Variants in MYBPHL observed in about 807,000 individuals in gnomAD.
The protein encoded by MYBPHL is myosin-binding protein H-like.
A neutral mutation model predicts 39.5 loss-of-function variants in MYBPHL; 32 were observed. The ratio of observed to expected loss-of-function variants is 0.81; its 90% CI spans 0.61 to 1.09. The LOEUF (loss-of-function observed/expected upper bound fraction) is 1.09. Ranked by LOEUF, MYBPHL falls within the 50% of genes least tolerant of loss-of-function variation. MYBPHL has a pLI of 0.00. For synonymous variants in MYBPHL, 196 were observed against 183.7 expected (o/e 1.07, Z -0.54); for missense variants, 456 against 460.2 (o/e 0.99, Z 0.08).
chr1:109,296,681 C>T (rs112833470), intron 5 of MYBPHL, 102 bp downstream of exon 5: 971 of 1,387,784 alleles, frequency 7.0e-4, no homozygotes, highest in Non-Finnish European at 8.5e-4. Context: ...TCAGGTGATC[C>T]GCCTGCCTTG....
In MYBPHL at chr1:109,295,097, C is replaced by T; in HGVS notation, c.1054+14G>A. 2 of 1,611,990 alleles carry T rather than the reference C, an allele frequency of 1.2e-6. No homozygotes were observed. Among genetic ancestry groups the T allele is most frequent in the Non-Finnish European group, 1.7e-6 (2 of 1,179,580 alleles). ...ACTGGCACCCTAAGGCACTAGTTCTCCTCTTGCCCTTACCTTTCACATCCA... is the reference window on the plus strand; with the variant it reads ...ACTGGCACCCTAAGGCACTAGTTCTTCTCTTGCCCTTACCTTTCACATCCA... On this transcript the variant is annotated intron_variant, in intron 7 of 8. Transcript: ENST00000357155.
chr1:109,302,450 G>T (rs184955942), intron 1 of MYBPHL, among the ~76,000 whole-genome samples: 1 of 152,168 alleles, frequency 6.6e-6, no homozygotes. Flanking sequence ...AAAGGACATA[G>T]GAACAGGCAA....
intron 1 of MYBPHL, among the ~76,000 whole-genome samples, chr1:109,305,968 T>C (rs1658450852): frequency 6.6e-6 from 1 of 152,224 alleles, no homozygotes; most frequent in Non-Finnish European, 1.5e-5. Context: ...AAATGGAAAC[T>C]GAGCAGTCCA....
chr1:109,306,317 C>T (rs1658467296), intron 1 of MYBPHL, among the ~76,000 whole-genome samples: 1 of 152,230 alleles, frequency 6.6e-6, no homozygotes, highest in Admixed American at 6.5e-5. Flanking sequence ...CCGTGGAGCT[C>T]AGACTCTGAG....
chr1:109,300,111 G>C (rs566116407), intron 1 of MYBPHL, among the ~76,000 whole-genome samples: 1 of 152,140 alleles, frequency 6.6e-6, no homozygotes, highest in Non-Finnish European at 1.5e-5. Context: ...TCCCTGTGCC[G>C]CCTGCCTACA....
In MYBPHL at chr1:109,296,801, C is replaced by T. The variant is rs374955860; in HGVS notation, c.712G>A (p.Ala238Thr). 321 of 1,614,028 alleles carry T rather than the reference C, an allele frequency of 2.0e-4. No homozygotes were observed. The highest frequency in any genetic ancestry group is 2.5e-4 in the Non-Finnish European group (294 of 1,180,002). ...SETAPITTDLAHIQKAATVYK... is the reference protein window; with the variant it reads ...SETAPITTDLTHIQKAATVYK... ...CCCTTACCTGCTTTCTGGATGTGGG[C>T]GAGGTCCGTAGTGATGGGGGCTGTT... Residue 238 changes from alanine (A) to threonine (T), a missense_variant, in exon 5 of 9, where the codon GCC (alanine) becomes ACC (threonine). Physicochemically the swap from Ala to Thr is moderately conservative, Grantham distance 58. Transcript: ENST00000357155.
rs560090718 is a variant in MYBPHL, at chr1:109,297,594, G to A, written c.258C>T (p.Ile86=). ...PFQGKPKPQA[I]WTHDGCALDT... is the part of the protein sequence containing the mutation. ...CCAAGGCACAGCCATCATGTGTCCA[G>A]ATGGCTTGAGGTTTGGGCTTGCCCT... is the stretch of plus-strand genomic sequence containing the variant. The change falls in exon 3 of 9, where the codon ATC becomes ATT. Residue 86 remains isoleucine, a synonymous_variant. Coordinates refer to ENST00000357155, the MANE Select transcript of MYBPHL (RefSeq NM_001010985.3). The A allele has an allele frequency of 1.2e-6, 2 of 1,613,644 alleles. No individual in the cohort carries two copies. The highest frequency in any genetic ancestry group is 2.2e-5 in the South Asian group (2 of 91,050).
At chr1:109,302,297 G>A (rs560249796) in intron 1 of MYBPHL, among the ~76,000 whole-genome samples, 48 of 152,200 alleles carry the variant, frequency 3.2e-4, no homozygotes, top group African/African-American at 1.1e-3. Flanking sequence ...AAGAAGTACC[G>A]GGATTTCTTA....
In MYBPHL at chr1:109,295,411, G is replaced by A. The variant is rs527288828; in HGVS notation, c.868-114C>T. On this transcript the variant is annotated intron_variant, in intron 6 of 8. Coordinates refer to ENST00000357155, the MANE Select transcript of MYBPHL (RefSeq NM_001010985.3). ...TATAGAGATAATGGCTTTCTGGAAG[G>A]CTCCCTGTTCCTTATGTTGTGGGAA... 9.5e-6 allele frequency: 9 copies of A among 947,234 alleles called. No homozygotes were observed. In the East Asian group the frequency reaches 2.1e-4, roughly 22 times the overall value. 58.7% of individuals were successfully genotyped at this position (947,234 alleles called of 1,614,324 possible). A position where few individuals can be genotyped will look rare whatever the true frequency, so the allele number is the denominator to read the frequency against.
chr1:109,295,347 C>A (rs763809600), intron 6 of MYBPHL, 50 bp from the exon 7 acceptor site: 3 of 1,537,648 alleles, frequency 2.0e-6, no homozygotes, highest in Admixed American at 1.8e-5. Context: ...GGGTAAGAAC[C>A]AATAGTCTTT....
chr1:109,295,274 G>T lies in MYBPHL; in HGVS notation c.891C>A (p.Asn297Lys), dbSNP rs147013243. Residue 297 changes from asparagine to lysine, a missense_variant, in exon 7 of 9, where the codon AAC becomes AAA. Physicochemically the swap from Asn to Lys is moderately conservative, Grantham distance 94. Coordinates refer to ENST00000357155, the MANE Select transcript of MYBPHL (RefSeq NM_001010985.3). ...TAGGGTTGCCTTGGATATCCATCTT[G>T]TTCTTCAGCCAGATGATCTTGGGCT... is the stretch of plus-strand genomic sequence containing the variant. ...SPRPKIIWLKNKMDIQGNPKY... is the reference protein window; with the variant it reads ...SPRPKIIWLKKKMDIQGNPKY... 1 of 1,613,916 alleles carries T rather than the reference G, an allele frequency of 6.2e-7. No homozygotes were observed. Among genetic ancestry groups the T allele is most frequent in the Admixed American group, 1.7e-5 (1 of 59,984 alleles).
At chr1:109,293,302 G>A (rs532368720) in intron 8 of MYBPHL, among the ~76,000 whole-genome samples, 2 of 152,216 alleles carry the variant, frequency 1.3e-5, no homozygotes, top group South Asian at 2.1e-4. Context: ...ATGATTAGGT[G>A]GATGCTGTCA....
intron 1 of MYBPHL, among the ~76,000 whole-genome samples, chr1:109,300,621 G>A (rs919415607): frequency 2.0e-5 from 3 of 152,220 alleles, no homozygotes; most frequent in African/African-American, 7.2e-5. Context: ...TCTTACACCT[G>A]AACTAAAGAG....
At chr1:109,305,294 G>A (rs982579700) in intron 1 of MYBPHL, among the ~76,000 whole-genome samples, 5 of 152,338 alleles carry the variant, frequency 3.3e-5, no homozygotes, top group Admixed American at 2.0e-4. Context: ...GTTCCAAGTA[G>A]TTAACAGATG....
rs59376361 is a variant in MYBPHL, at chr1:109,293,740, AAAAT to A, written c.*33+462_*33+465del. ...GGGCGACAAAGCGAGACTCTGTCTC[AAAAT>A]AAATAAATAAATAAATAAATATAAA... On this transcript the variant is annotated intron_variant, in intron 8 of 8. Coordinates refer to ENST00000357155, the MANE Select transcript of MYBPHL (RefSeq NM_001010985.3). Among the ~76,000 whole-genome samples, 894 of 144,656 alleles carry A rather than the reference AAAAT, an allele frequency of 6.2e-3. 13 individuals carry two copies. Among genetic ancestry groups the A allele is most frequent in the Middle Eastern group, 7.1e-3 (2 of 282 alleles). 94.9% of individuals were successfully genotyped at this position (144,656 alleles called of 152,430 possible). A position where few individuals can be genotyped will look rare whatever the true frequency, so the allele number is the denominator to read the frequency against.
chr1:109,298,172 G>A lies in MYBPHL; in HGVS notation c.231C>T (p.Phe77=). 6.2e-7 allele frequency: 1 copy of A among 1,605,918 alleles called. No individual in the cohort carries two copies. Among genetic ancestry groups the A allele is most frequent in the Non-Finnish European group, 8.5e-7 (1 of 1,176,688 alleles). ...VGDTVNLLIP[F]QGKPKPQAIW... is the part of the protein sequence containing the mutation. ...AGTATGGGGCTGGCATGATCACCTGGAATGGGATTAGTAGGTTCACTGTGT... is the reference window on the plus strand; with the variant it reads ...AGTATGGGGCTGGCATGATCACCTGAAATGGGATTAGTAGGTTCACTGTGT... The change falls in exon 2 of 9, where the codon TTC becomes TTT. Residue 77 remains phenylalanine, a synonymous_variant. Coordinates refer to ENST00000357155, the MANE Select transcript of MYBPHL (RefSeq NM_001010985.3).
intron 5 of MYBPHL, 58 bp from the exon 6 acceptor site, chr1:109,296,428 C>G: frequency 1.9e-6 from 3 of 1,562,238 alleles, no homozygotes; most frequent in Non-Finnish European, 2.6e-6. Flanking sequence ...CTCGTCGACT[C>G]TTTATCCTTA....
At chr1:109,305,492 G>A (rs761882759) in intron 1 of MYBPHL, among the ~76,000 whole-genome samples, 1 of 152,168 alleles carries the variant, frequency 6.6e-6, no homozygotes, top group South Asian at 2.1e-4. Context: ...TGCAGCCAGA[G>A]GGGAGAAGCA....
At chr1:109,292,907 T>C (rs908578321) in intron 8 of MYBPHL, 2 of 152,218 alleles carry the variant, frequency 1.3e-5, no homozygotes, top group African/African-American at 4.8e-5. Context: ...GTTCACAACA[T>C]AGCTAATGTG....
Sources: gnomAD v4.1 joint callset for allele counts (sites outside exome capture counted in the v4.1 genomes callset) on GRCh38, gnomAD v4.1.1 for gene constraint, MANE v1.5 for transcripts, NCBI Gene and HGNC (gene_info 2026-07-23, HGNC 2026-07-21) for gene names.